The following ZBTB20 variants were observed in gnomAD, a reference collection of about 807,000 sequenced individuals.
ZBTB20 encodes the protein zinc finger and BTB domain-containing protein 20.
A neutral mutation model predicts 56.9 loss-of-function variants in ZBTB20; 9 were observed. That is an observed-to-expected ratio of 0.16 (90% CI 0.10 to 0.28). The LOEUF is 0.28. ZBTB20 is among the 10% of genes least tolerant of loss of function. The pLI is 1.00. For synonymous variants in ZBTB20, 417 were observed against 420.7 expected, an observed-to-expected ratio of 0.99 and a Z score of 0.11; for missense variants, 655 against 1,003.0, an observed-to-expected ratio of 0.65 and a Z score of 4.69.
chr3:114,419,539 A>G lies in ZBTB20; in HGVS notation c.-254-30434T>C, dbSNP rs1372091817. The stretch of plus-strand genomic sequence containing the variant: ...TGTAGCACCCAGATGCTGTACTCCC[A>G]ATGAAGAAAGATAGGGACCTGTACA... On this transcript the variant is annotated intron_variant, in intron 7 of 11. Transcript: ENST00000675478. 2.6e-5 allele frequency among the ~76,000 whole-genome samples: 4 copies of G among 152,242 alleles called. No homozygotes were observed. In the East Asian group the frequency reaches 7.7e-4, roughly 29 times the overall value.
chr3:114,411,194 T>C (rs1420726395), intron 7 of ZBTB20, among the ~76,000 whole-genome samples: 1 of 152,114 alleles, frequency 6.6e-6, no homozygotes, highest in Non-Finnish European at 1.5e-5. Context: ...AGGTGCAGGA[T>C]GCACCAGTCA....
At chr3:114,960,929 A>T (rs1244486638) in intron 3 of ZBTB20, among the ~76,000 whole-genome samples, 1 of 152,148 alleles carries the variant, frequency 6.6e-6, no homozygotes, top group Non-Finnish European at 1.5e-5. Flanking sequence ...GGAAGAAAGC[A>T]TTGCAATAAG....
At chr3:114,836,703 G>A (rs746970983) in intron 4 of ZBTB20, among the ~76,000 whole-genome samples, 10 of 151,996 alleles carry the variant, frequency 6.6e-5, no homozygotes, top group Non-Finnish European at 8.8e-5. Context: ...TCCCAAACCC[G>A]ACCATTCCTC....
chr3:114,965,965 T>G (rs1404876842), intron 3 of ZBTB20, among the ~76,000 whole-genome samples: 1 of 152,176 alleles, frequency 6.6e-6, no homozygotes, highest in Admixed American at 6.5e-5. Context: ...GTTGTGTCTT[T>G]ACTGTTAAGT....
intron 10 of ZBTB20, among the ~76,000 whole-genome samples, chr3:114,358,073 A>G (rs1486039391): frequency 2.6e-5 from 4 of 152,224 alleles, no homozygotes; most frequent in Non-Finnish European, 4.4e-5. Context: ...AAATCCACAG[A>G]AGAATTAGAA....
intron 5 of ZBTB20, among the ~76,000 whole-genome samples, chr3:114,743,016 C>CT (rs1052581334): frequency 6.6e-6 from 1 of 151,952 alleles, no homozygotes; most frequent in Non-Finnish European, 1.5e-5. Context: ...ACTTTGACAT[C>CT]TTTTTTTTAT....
At chr3:114,994,886 T>C (rs1484908072) in intron 2 of ZBTB20, among the ~76,000 whole-genome samples, 2 of 151,904 alleles carry the variant, frequency 1.3e-5, no homozygotes, top group African/African-American at 2.4e-5. Flanking sequence ...CTGACAGATG[T>C]TGAATATTGC....
Position 114,315,640 on chromosome 3 carries a change from C to G in ZBTB20, c.*23365G>C, listed in dbSNP as rs2078654651. On this transcript the variant is annotated 3_prime_UTR_variant, in exon 12 of 12. Coordinates refer to ENST00000675478, the MANE Select transcript of ZBTB20 (RefSeq NM_001348800.3). ...GCAATTGCAAAAAAGGGACCATATT[C>G]CTTTCCATACTAAGATACAATGTGA... The G allele has an allele frequency of 6.7e-6, 1 of 149,038 alleles. No individual in the cohort carries two copies. Among genetic ancestry groups the G allele is most frequent in the Non-Finnish European group, 1.5e-5 (1 of 67,610 alleles). 9.2% of individuals were successfully genotyped at this position (149,038 alleles called of 1,614,324 possible).
At chr3:115,074,853 G>A (rs1233709391) in intron 1 of ZBTB20, among the ~76,000 whole-genome samples, 1 of 152,060 alleles carries the variant, frequency 6.6e-6, no homozygotes, top group Non-Finnish European at 1.5e-5. Context: ...AAAGTCCCCA[G>A]AAGTTTTAAT....
At position 114,883,916 on chromosome 3, in the gene ZBTB20, CTTTTTT is replaced by C. The variant is rs869141975; in HGVS notation, c.-417+16382_-417+16387del. 6.1e-4 allele frequency among the ~76,000 whole-genome samples: 55 copies of C among 89,830 alleles called. 11 individuals are homozygous for C. Among genetic ancestry groups the C allele is most frequent in the East Asian group, 3.1e-3 (8 of 2,550 alleles). The allele number at this position is 89,830 out of a possible 152,430, so 58.9% of individuals were successfully genotyped here. A position where few individuals can be genotyped will look rare whatever the true frequency, so the allele number is the denominator to read the frequency against. ...GTATAACTGGTAAGAATGGTGTGTT[CTTTTTT>C]TTTTTTTTTTTTTTTTTTTTTGAGA... On this transcript the variant is annotated intron_variant, in intron 4 of 11. Transcript: ENST00000675478.
intron 3 of ZBTB20, among the ~76,000 whole-genome samples, chr3:114,932,354 C>T (rs574267165): frequency 6.6e-6 from 1 of 152,216 alleles, no homozygotes; most frequent in East Asian, 1.9e-4. Context: ...TGTCTTTGAT[C>T]CATGGTTTCT....
chr3:114,794,776 A>G (rs746158753), intron 5 of ZBTB20, among the ~76,000 whole-genome samples: 7 of 152,062 alleles, frequency 4.6e-5, no homozygotes, highest in Admixed American at 1.3e-4. Context: ...TCATACTTAA[A>G]AAAAGCCTGG....
chr3:114,450,020 T>C (rs1197067693), intron 7 of ZBTB20, among the ~76,000 whole-genome samples: 3 of 152,224 alleles, frequency 2.0e-5, no homozygotes, highest in African/African-American at 7.2e-5. Context: ...GAACAGTACT[T>C]ACCCTAAGTG....
At chr3:115,080,636 A>G (rs2082763368) in intron 1 of ZBTB20, among the ~76,000 whole-genome samples, 1 of 152,228 alleles carries the variant, frequency 6.6e-6, no homozygotes, top group African/African-American at 2.4e-5. Flanking sequence ...CATTTCAGCA[A>G]GATACAACAG....
chr3:114,352,000 G>C (rs1021168565), intron 10 of ZBTB20, 122 bp from the exon 11 acceptor site: 1 of 1,250,062 alleles, frequency 8.0e-7, no homozygotes, highest in African/African-American at 1.5e-5. Flanking sequence ...CCTTACATAC[G>C]CAAGTGGGGA....
intron 4 of ZBTB20, among the ~76,000 whole-genome samples, chr3:114,855,825 C>T (rs767666382): frequency 6.6e-6 from 1 of 152,178 alleles, no homozygotes; most frequent in Non-Finnish European, 1.5e-5. Context: ...GTGTTTGTGC[C>T]ACCAGGCCCC....
chr3:114,660,816 G>C lies in ZBTB20; in HGVS notation c.-295+32712C>G, dbSNP rs182583546. Reference sequence around the variant, plus strand: ...TTCTTACCTAATTGCATTGGATGAAGATAATTTTGGAGAAGAAAATGAATA... The same window carrying C: ...TTCTTACCTAATTGCATTGGATGAACATAATTTTGGAGAAGAAAATGAATA... On this transcript the variant is annotated intron_variant, in intron 6 of 11. Transcript: ENST00000675478. 1.2e-4 allele frequency among the ~76,000 whole-genome samples: 18 copies of C among 152,126 alleles called. No homozygotes were observed. The East Asian group carries it at 3.1e-3, about 26-fold the overall frequency.
At chr3:114,936,420 C>A (rs1408329171) in intron 3 of ZBTB20, among the ~76,000 whole-genome samples, 1 of 152,106 alleles carries the variant, frequency 6.6e-6, no homozygotes, top group African/African-American at 2.4e-5. Flanking sequence ...TTAGTTTAGC[C>A]TGAGTAAATG....
intron 1 of ZBTB20, among the ~76,000 whole-genome samples, chr3:115,139,330 A>C (rs2084745115): frequency 6.6e-6 from 1 of 152,042 alleles, no homozygotes; most frequent in Admixed American, 6.6e-5. Flanking sequence ...TTAAACAGAA[A>C]CTGAGAGTAA....
Sources: gnomAD v4.1 joint callset for allele counts (sites outside exome capture counted in the v4.1 genomes callset) on GRCh38, gnomAD v4.1.1 for gene constraint, MANE v1.5 for transcripts, NCBI Gene and HGNC (gene_info 2026-07-23, HGNC 2026-07-21) for gene names.